Variants in DACT1 observed in about 807,000 individuals in gnomAD.
The protein encoded by DACT1 is dishevelled binding antagonist of beta catenin 1, also known as dapper homolog 1.
A neutral mutation model predicts 35.3 loss-of-function variants in DACT1; 19 were observed. The observed-to-expected ratio is 0.54, with a 90% CI of 0.38 to 0.79. DACT1 has a LOEUF of 0.79. Ranked by LOEUF, DACT1 falls within the 30% of genes least tolerant of loss-of-function variation. The pLI is 0.00. For missense variants in DACT1, 1,143 were observed against 1,057.5 expected (o/e 1.08, Z -1.12); for synonymous variants, 545 against 466.7 (o/e 1.17, Z -2.16).
rs1199848545 is a variant in DACT1, at chr14:58,645,808, G to A, written c.1074G>A (p.Ser358=). ...GCAACAGTGTGAACCTTAAGAATTC[G>A]AAACAGGCGTGTCTGCCCTCTGGCG... ...SQGNSVNLKN[S]KQACLPSGGI... The change falls in exon 4 of 4, where the codon TCG becomes TCA. Residue 358 remains serine, a synonymous_variant. Transcript: ENST00000395153. 1 of 1,614,264 alleles carries A rather than the reference G, an allele frequency of 6.2e-7. No individual in the cohort carries two copies.
chr14:58,645,158 ATC>A, intron 3 of DACT1: 1 of 892,038 alleles, frequency 1.1e-6, no homozygotes, highest in Non-Finnish European at 1.8e-6. Context: ...ATCCTTGGCA[ATC>A]TCTTTTTACC....
In DACT1 at chr14:58,638,563, AG is replaced by A. The variant is rs767258847; in HGVS notation, c.345+18del. 1 of 1,331,476 alleles carries A rather than the reference AG, an allele frequency of 7.5e-7. No homozygotes were observed. The highest frequency in any genetic ancestry group is 9.7e-7 in the Non-Finnish European group (1 of 1,034,046). 82.5% of individuals were successfully genotyped at this position (1,331,476 alleles called of 1,614,324 possible). ...AAAGCAATTGGTAGGTCGTGCCCGA[AG>A]GTGGAGCACGGCTGTTCCTGCCCAG... On this transcript the variant is annotated intron_variant, in intron 1 of 3. Coordinates refer to ENST00000395153, the MANE Select transcript of DACT1 (RefSeq NM_001079520.2).
Position 58,638,492 on chromosome 14 carries a change from G to A in DACT1, c.290G>A (p.Ser97Asn). 1 of 1,358,880 alleles carries A rather than the reference G, an allele frequency of 7.4e-7. No homozygotes were observed. The highest frequency in any genetic ancestry group is 9.5e-7 in the Non-Finnish European group (1 of 1,050,300). The allele number at this position is 1,358,880 out of a possible 1,614,324, so 84.2% of individuals were successfully genotyped here. Residue 97 changes from serine to asparagine, a missense_variant, in exon 1 of 4, where the codon AGT becomes AAT. Ser to Asn is a conservative substitution (Grantham distance 46, BLOSUM62 1). Coordinates refer to ENST00000395153, the MANE Select transcript of DACT1 (RefSeq NM_001079520.2). ...GELLGEAAQR[S>N]RLEEKFLEEN... Reference sequence around the variant, plus strand: ...CTACTGGGGGAGGCGGCGCAGCGCAGTCGCCTGGAGGAGAAGTTCTTGGAG... The same window carrying A: ...CTACTGGGGGAGGCGGCGCAGCGCAATCGCCTGGAGGAGAAGTTCTTGGAG...
In DACT1 at chr14:58,646,514, G is replaced by A. The variant is rs1447630787; in HGVS notation, c.1780G>A (p.Gly594Arg). ...NKKLKKASSKGRKSGGGPEAG... is the reference protein window; with the variant it reads ...NKKLKKASSKRRKSGGGPEAG... The stretch of plus-strand genomic sequence containing the variant: ...GAAACTCAAGAAAGCCTCCTCCAAG[G>A]GGAGGAAGAGTGGGGGCGGGCCCGA... Residue 594 changes from glycine (G) to arginine (R), a missense_variant, in exon 4 of 4, where the codon GGG becomes AGG. This residue lies in a region of DACT1 where 1,054 missense variants were observed against 958.8 expected (regional missense o/e 1.10). Coordinates refer to ENST00000395153, the MANE Select transcript of DACT1 (RefSeq NM_001079520.2). 1.3e-6 allele frequency: 2 copies of A among 1,559,754 alleles called. No individual in the cohort carries two copies. The highest frequency in any genetic ancestry group is 1.4e-5 in the African/African-American group (1 of 72,478).
Position 58,646,813 on chromosome 14 carries a change from CGAGT to C in DACT1, c.2080_2083del (p.Glu694ProfsTer30), listed in dbSNP as rs1566511477. Reference sequence around the variant, plus strand: ...GCGACTCCGAGTACTCGGCCGAGTGCGAGTCCCTGTTCCACTCCACCGTGGTGGA... The same window carrying C: ...GCGACTCCGAGTACTCGGCCGAGTGCCCCTGTTCCACTCCACCGTGGTGGA... On this transcript the variant is annotated frameshift_variant, in exon 4 of 4. Transcript: ENST00000395153. LOFTEE classifies it high-confidence loss of function. The C allele has an allele frequency of 6.2e-7, 1 of 1,614,028 alleles. No individual in the cohort carries two copies. The highest frequency in any genetic ancestry group is 8.5e-7 in the Non-Finnish European group (1 of 1,180,022).
chr14:58,636,578 G>C (rs773115320), upstream of DACT1, among the ~76,000 whole-genome samples: 1 of 152,114 alleles, frequency 6.6e-6, no homozygotes, highest in African/African-American at 2.4e-5. Flanking sequence ...GAGCTCAAAG[G>C]TTGGAAGGGT....
upstream of DACT1, among the ~76,000 whole-genome samples, chr14:58,637,626 G>A (rs541701995): frequency 6.6e-6 from 1 of 152,332 alleles, no homozygotes; most frequent in South Asian, 2.1e-4. Context: ...CTGCCTGCGC[G>A]GCCGACTGTA....
At chr14:58,634,879 C>G (rs2047564092), upstream of DACT1, among the ~76,000 whole-genome samples, 1 of 152,212 alleles carries the variant, frequency 6.6e-6, no homozygotes, top group Admixed American at 6.5e-5. Flanking sequence ...TGTTCTGGCT[C>G]TGCCCAGGAA....
chr14:58,639,081 G>C (rs2140212018), intron 1 of DACT1: 1 of 985,522 alleles, frequency 1.0e-6, no homozygotes, highest in Admixed American at 6.1e-5. Flanking sequence ...GCTCTCCCCA[G>C]CATGCCAGCT....
At chr14:58,639,084 T>C (rs760115808) in intron 1 of DACT1, 207 of 985,426 alleles carry the variant, frequency 2.1e-4, no homozygotes, top group Non-Finnish European at 2.4e-4. Flanking sequence ...CTCCCCAGCA[T>C]GCCAGCTTTC....
rs767359253 is a variant in DACT1, at chr14:58,645,928, G to T, written c.1194G>T (p.Leu398=). 26 of 1,613,940 alleles carry T rather than the reference G, an allele frequency of 1.6e-5. No homozygotes were observed. In the Middle Eastern group the frequency reaches 6.6e-4, roughly 41 times the overall value. ...AAGCCGAAAGCAAGAGGGTGCCCCT[G>T]CCAGAGGGCTGCCCCTCAGGCGCTG... The part of the protein sequence containing the change: ...AEQAESKRVP[L]PEGCPSGAAS... The change falls in exon 4 of 4, where the codon CTG becomes CTT. Residue 398 remains leucine, a synonymous_variant. Transcript: ENST00000395153.
At chr14:58,638,781 G>A (rs1347920083) in intron 1 of DACT1, 16 of 1,192,640 alleles carry the variant, frequency 1.3e-5, no homozygotes, top group Non-Finnish European at 1.6e-5. Context: ...GACCTCGCGC[G>A]GATTGCGGGA....
chr14:58,645,215 G>T, intron 3 of DACT1, 154 bp from the exon 4 acceptor site: 2 of 1,533,366 alleles, frequency 1.3e-6, no homozygotes, highest in South Asian at 2.3e-5. Flanking sequence ...AGCTGGTGCT[G>T]ACCAATTCAT....
chr14:58,646,563 C>G lies in DACT1; in HGVS notation c.1829C>G (p.Ala610Gly), dbSNP rs1478003295. The change falls in exon 4 of 4, where the codon GCG (alanine) becomes GGG (glycine). Residue 610 changes from alanine to glycine, a missense_variant. Coordinates refer to ENST00000395153, the MANE Select transcript of DACT1 (RefSeq NM_001079520.2). ...GPEAGVPGRPAGGGHRAGSRA... is the reference protein window; with the variant it reads ...GPEAGVPGRPGGGGHRAGSRA... ...GAGGCTGGTGTTCCCGGCAGGCCCG[C>G]GGGCGGGGGCCACAGGGCGGGGAGC... 1 of 1,557,554 alleles carries G rather than the reference C, an allele frequency of 6.4e-7. No homozygotes were observed.
At chr14:58,642,702 A>G (rs924455355) in intron 3 of DACT1, among the ~76,000 whole-genome samples, 7 of 152,152 alleles carry the variant, frequency 4.6e-5, no homozygotes, top group African/African-American at 1.7e-4. Flanking sequence ...TCAATCAATC[A>G]ATCAGTCTAA....
upstream of DACT1, among the ~76,000 whole-genome samples, chr14:58,637,184 T>C (rs1001685059): frequency 3.9e-5 from 6 of 152,226 alleles, no homozygotes; most frequent in Non-Finnish European, 8.8e-5. Flanking sequence ...AGAGCTCTTA[T>C]TGTAAACGCA....
upstream of DACT1, among the ~76,000 whole-genome samples, chr14:58,637,440 C>T (rs144592303): frequency 1.1e-3 from 171 of 152,382 alleles, 3 homozygotes; most frequent in African/African-American, 3.8e-3. Context: ...GGAACCAACC[C>T]CACAGTGTCT....
chr14:58,643,882 TG>T (rs891233732), intron 3 of DACT1, among the ~76,000 whole-genome samples: 17 of 150,076 alleles, frequency 1.1e-4, no homozygotes, highest in East Asian at 4.0e-4. Flanking sequence ...AGCTCTTTAT[TG>T]GGGGGGGTCA....
At position 58,638,047 on chromosome 14, in the gene DACT1, C is replaced by A; in HGVS notation, c.-156C>A. 1.3e-6 allele frequency: 1 copy of A among 745,326 alleles called. No homozygotes were observed. Among genetic ancestry groups the A allele is most frequent in the Non-Finnish European group, 1.8e-6 (1 of 559,740 alleles). The allele number at this position is 745,326 out of a possible 1,614,324, so 46.2% of individuals were successfully genotyped here. A position where few individuals can be genotyped will look rare whatever the true frequency, so the allele number is the denominator to read the frequency against. ...CCGGGACAGCAGCAGCCGGCGGTCG[C>A]GCGCAGGACTCGAGGGCTTCTAGCC... On this transcript the variant is annotated 5_prime_UTR_variant, in exon 1 of 4. Coordinates refer to ENST00000395153, the MANE Select transcript of DACT1 (RefSeq NM_001079520.2).
Sources: allele counts gnomAD v4.1 joint callset (sites outside exome capture counted in the v4.1 genomes callset), GRCh38; gene constraint gnomAD v4.1.1; regional missense constraint gnomAD v4.1.1; transcripts MANE v1.5; gene names NCBI Gene and HGNC (gene_info 2026-07-23, HGNC 2026-07-21).